Variants in ATXN1 observed in about 807,000 individuals in gnomAD.
ATXN1 encodes the protein ataxin 1.
A neutral mutation model predicts 56.4 loss-of-function variants in ATXN1; 8 were observed. The observed-to-expected ratio is 0.14, with a 90% CI of 0.08 to 0.26. ATXN1 has a LOEUF of 0.26. ATXN1 is among the 10% of genes least tolerant of loss of function. The pLI is 1.00. For missense variants in ATXN1, 987 were observed against 1,106.5 expected, an observed-to-expected ratio of 0.89 and a Z score of 1.53; for synonymous variants, 514 against 494.6, an observed-to-expected ratio of 1.04 and a Z score of -0.52.
At chr6:16,662,594 A>G (rs1329915273) in intron 2 of ATXN1, among the ~76,000 whole-genome samples, 3 of 152,190 alleles carry the variant, frequency 2.0e-5, no homozygotes, top group Non-Finnish European at 2.9e-5. Flanking sequence ...TCGGCCTCCC[A>G]AAGTGCTGGG....
At chr6:16,392,955 A>G (rs1293969614) in intron 6 of ATXN1, among the ~76,000 whole-genome samples, 1 of 152,228 alleles carries the variant, frequency 6.6e-6, no homozygotes, top group African/African-American at 2.4e-5. Flanking sequence ...ATGCCCATGC[A>G]CTTGAAATTT....
chr6:16,482,694 TAGTCTAAGGAC>T (rs1420794571), intron 6 of ATXN1, among the ~76,000 whole-genome samples: 3 of 152,226 alleles, frequency 2.0e-5, no homozygotes, highest in Non-Finnish European at 4.4e-5. Flanking sequence ...GCTAAAGCTA[TAGTCTAAGGAC>T]AGTCTCAAAT....
chr6:16,503,396 G>A (rs1011156995), intron 5 of ATXN1, among the ~76,000 whole-genome samples: 1 of 152,194 alleles, frequency 6.6e-6, no homozygotes, highest in Non-Finnish European at 1.5e-5. Context: ...AGTACTGACT[G>A]TTCCCTGCAC....
intron 2 of ATXN1, among the ~76,000 whole-genome samples, chr6:16,692,079 T>C (rs920654386): frequency 1.3e-5 from 2 of 152,100 alleles, no homozygotes; most frequent in Non-Finnish European, 2.9e-5. Flanking sequence ...GCCTGGCCAA[T>C]ATGGTGAAAC....
At chr6:16,449,973 C>T (rs1166039730) in intron 6 of ATXN1, among the ~76,000 whole-genome samples, 2 of 152,178 alleles carry the variant, frequency 1.3e-5, no homozygotes, top group East Asian at 3.8e-4. Flanking sequence ...ATTGTTCTTT[C>T]TTCTTGATTT....
At chr6:16,402,242 G>GT (rs58048762) in intron 6 of ATXN1, among the ~76,000 whole-genome samples, 23 of 62,122 alleles carry the variant, frequency 3.7e-4, no homozygotes, top group African/African-American at 7.3e-4. Flanking sequence ...ACCACTGACA[G>GT]TTTTTTTTTT....
intron 6 of ATXN1, among the ~76,000 whole-genome samples, chr6:16,379,351 C>T (rs1762205936): frequency 6.6e-6 from 1 of 152,082 alleles, no homozygotes; most frequent in Non-Finnish European, 1.5e-5. Flanking sequence ...TCTCACAAAT[C>T]GCCACTAAAG....
rs1437266351 is a variant in ATXN1, at chr6:16,760,869, C to T, written c.-730+429G>A. Among the ~76,000 whole-genome samples, 1 of 149,450 alleles carries T rather than the reference C, an allele frequency of 6.7e-6. No individual in the cohort carries two copies. Among genetic ancestry groups the T allele is most frequent in the East Asian group, 2.0e-4 (1 of 5,064 alleles). ...AGGGAGGAGGACATGGCTCTCCGCA[C>T]TTGCGACCGGACCAGCAGCCGGGGG... On this transcript the variant is annotated intron_variant, in intron 1 of 7. Coordinates refer to ENST00000436367, the MANE Select transcript of ATXN1 (RefSeq NM_001128164.2). This position sits in a 1 kb window ranked among gnomAD's most constrained non-coding sequence, Gnocchi z 5.3.
intron 6 of ATXN1, among the ~76,000 whole-genome samples, chr6:16,458,258 C>T (rs1263989645): frequency 1.3e-5 from 2 of 152,198 alleles, no homozygotes; most frequent in African/African-American, 4.8e-5. Context: ...GAGTCGCAAA[C>T]ATCTGTTGAC....
At chr6:16,729,675 A>G (rs949000051) in intron 2 of ATXN1, among the ~76,000 whole-genome samples, 30 of 152,202 alleles carry the variant, frequency 2.0e-4, no homozygotes, top group Non-Finnish European at 1.2e-4. Context: ...GAACCTACCA[A>G]CAACTGGTTT....
At chr6:16,309,960 G>A (rs1760351398) in intron 7 of ATXN1, among the ~76,000 whole-genome samples, 1 of 152,024 alleles carries the variant, frequency 6.6e-6, no homozygotes, top group East Asian at 1.9e-4. Flanking sequence ...CTTGAACCCG[G>A]GAGGCGGAGG....
intron 2 of ATXN1, among the ~76,000 whole-genome samples, chr6:16,674,172 A>T (rs946063525): frequency 1.3e-5 from 2 of 152,014 alleles, no homozygotes; most frequent in Non-Finnish European, 2.9e-5. Flanking sequence ...ACTTTTTTTT[A>T]AAATGGCCCC....
At chr6:16,533,180 A>G (rs1043451737) in intron 4 of ATXN1, among the ~76,000 whole-genome samples, 3 of 152,230 alleles carry the variant, frequency 2.0e-5, no homozygotes, top group Non-Finnish European at 4.4e-5. Context: ...ACTGAACTGT[A>G]CACTTAAAAA....
chr6:16,635,284 T>C (rs1763575399), intron 3 of ATXN1, among the ~76,000 whole-genome samples: 1 of 152,224 alleles, frequency 6.6e-6, no homozygotes. Flanking sequence ...ATCTCACTGA[T>C]TCTACATTAT....
In ATXN1 at chr6:16,306,315, C is replaced by T. The variant is rs559611858; in HGVS notation, c.*14G>A. ...GATAAGGGAGAGCCACGTTTCCTTT[C>T]CCCCACGCTGCCTCTACTTGCCTAC... On this transcript the variant is annotated 3_prime_UTR_variant, in exon 8 of 8. Transcript: ENST00000436367. The surrounding 1 kb of genome is among the most constrained non-coding windows in gnomAD (Gnocchi z 5.2). 2.7e-4 allele frequency: 426 copies of T among 1,584,394 alleles called. 5 individuals carry two copies. The South Asian group carries it at 4.7e-3, about 17-fold the overall frequency.
chr6:16,738,858 T>A (rs1484658916), intron 2 of ATXN1: 1 of 152,252 alleles, frequency 6.6e-6, no homozygotes, highest in African/African-American at 2.4e-5. Context: ...GAACAAGAAC[T>A]GCTTTCTGTG....
intron 2 of ATXN1, among the ~76,000 whole-genome samples, chr6:16,724,033 T>G (rs1428905616): frequency 2.6e-5 from 4 of 152,222 alleles, no homozygotes; most frequent in African/African-American, 9.6e-5. Flanking sequence ...ATCTTTCTCA[T>G]GTTAATAACA....
chr6:16,475,686 T>C (rs1021056205), intron 6 of ATXN1, among the ~76,000 whole-genome samples: 1 of 152,110 alleles, frequency 6.6e-6, no homozygotes, highest in Non-Finnish European at 1.5e-5. Flanking sequence ...AATCTGATGC[T>C]GTTAAGTGGC....
In ATXN1 at chr6:16,306,125, G is replaced by C; in HGVS notation, c.*204C>G. On this transcript the variant is annotated 3_prime_UTR_variant, in exon 8 of 8. Transcript: ENST00000436367. This position sits in a 1 kb window ranked among gnomAD's most constrained non-coding sequence, Gnocchi z 5.2. ...CCGCTCCTGCTGTGCCCTTCCTCCC[G>C]CCCGCTCACTGACAGACACTCGTGG... is the stretch of plus-strand genomic sequence containing the variant. The C allele has an allele frequency of 1.8e-6, 1 of 556,256 alleles. No individual in the cohort carries two copies. The allele number at this position is 556,256 out of a possible 1,614,324, so 34.5% of individuals were successfully genotyped here.
Sources: allele counts gnomAD v4.1 joint callset (sites outside exome capture counted in the v4.1 genomes callset), GRCh38; gene constraint gnomAD v4.1.1; non-coding constraint Gnocchi (gnomAD v3.1); transcripts MANE v1.5; gene names NCBI Gene and HGNC (gene_info 2026-07-23, HGNC 2026-07-21).